CDH18: variants seen among roughly 807,000 people sequenced by gnomAD.
CDH18 encodes cadherin-18.
Under a neutral mutation model 67.9 loss-of-function variants are expected in CDH18, and 31 were observed. The observed-to-expected ratio is 0.46, with a 90% confidence interval of 0.34 to 0.62. The LOEUF (loss-of-function observed/expected upper bound fraction) is 0.62, where lower values mean the gene tolerates loss of function less well. Ranked by LOEUF, CDH18 falls within the 20% of genes least tolerant of loss-of-function variation. The probability of loss-of-function intolerance (pLI) is 0.01; values close to 1 mark genes in which losing one functional copy is unlikely to be tolerated. For synonymous variants in CDH18, 362 were observed against 347.2 expected (o/e 1.04, Z -0.48); for missense variants, 890 against 975.5 (o/e 0.91, Z 1.17).
chr5:20,144,047 C>A (rs747792620), intron 2 of CDH18, among the ~76,000 whole-genome samples: 1 of 152,106 alleles, frequency 6.6e-6, no homozygotes, highest in East Asian at 1.9e-4. Context: ...ACAGCAGAAA[C>A]GCTGCCTGCC....
At chr5:20,245,742 A>G in intron 2 of CDH18, among the ~76,000 whole-genome samples, 1 of 152,070 alleles carries the variant, frequency 6.6e-6, no homozygotes, top group East Asian at 1.9e-4. Context: ...TGCACAATAA[A>G]AACCTGTAGA....
At chr5:20,224,277 T>C (rs1741439964) in intron 2 of CDH18, among the ~76,000 whole-genome samples, 1 of 152,242 alleles carries the variant, frequency 6.6e-6, no homozygotes, top group African/African-American at 2.4e-5. Context: ...AACAGGCTCA[T>C]ATTTTTCATG....
chr5:20,113,196 A>G (rs367680946), intron 2 of CDH18, among the ~76,000 whole-genome samples: 17 of 152,204 alleles, frequency 1.1e-4, no homozygotes, highest in African/African-American at 4.1e-4. Context: ...GATTCACCAT[A>G]CTGAATCATT....
chr5:20,295,836 C>A (rs558360461), intron 1 of CDH18, among the ~76,000 whole-genome samples: 1 of 79,824 alleles, frequency 1.3e-5, no homozygotes, highest in East Asian at 4.7e-4. Context: ...AAAGATCAAT[C>A]TGCAGACATT....
chr5:19,921,619 A>G (rs1792489788), intron 2 of CDH18, among the ~76,000 whole-genome samples: 1 of 152,158 alleles, frequency 6.6e-6, no homozygotes, highest in Non-Finnish European at 1.5e-5. Flanking sequence ...ATTAAAAACT[A>G]TAAATCCTGT....
At chr5:19,912,189 A>AG (rs2150141130) in intron 2 of CDH18, among the ~76,000 whole-genome samples, 1 of 152,192 alleles carries the variant, frequency 6.6e-6, no homozygotes, top group South Asian at 2.1e-4. Flanking sequence ...ATAATAAAAA[A>AG]AAAACACTTA....
intron 1 of CDH18, among the ~76,000 whole-genome samples, chr5:20,398,218 A>T (rs1338019973): frequency 6.6e-6 from 1 of 152,220 alleles, no homozygotes; most frequent in African/African-American, 2.4e-5. Context: ...TATGTTTTCT[A>T]AAATGTTACT....
At chr5:19,937,773 C>CA (rs1394836827) in intron 2 of CDH18, among the ~76,000 whole-genome samples, 3 of 149,800 alleles carry the variant, frequency 2.0e-5, no homozygotes, top group Admixed American at 6.7e-5. Context: ...CCTTGAAGAA[C>CA]AAAAAAATTT....
chr5:19,563,829 A>G (rs911732868), intron 8 of CDH18, among the ~76,000 whole-genome samples: 11 of 152,162 alleles, frequency 7.2e-5, no homozygotes, highest in Non-Finnish European at 1.5e-4. Flanking sequence ...AGAGCACAGG[A>G]AAGACAGCCT....
At chr5:20,028,130 G>A (rs1033539442) in intron 2 of CDH18, among the ~76,000 whole-genome samples, 13 of 149,792 alleles carry the variant, frequency 8.7e-5, no homozygotes, top group East Asian at 3.9e-4. Flanking sequence ...ACATAATTGC[G>A]GTGTTTGTCA....
intron 2 of CDH18, among the ~76,000 whole-genome samples, chr5:20,116,445 G>C (rs1245302903): frequency 2.0e-5 from 3 of 151,936 alleles, no homozygotes; most frequent in Non-Finnish European, 2.9e-5. Flanking sequence ...GAACCCAAGA[G>C]GTGGAGGTTA....
At chr5:19,646,474 G>A (rs1283263074) in intron 5 of CDH18, among the ~76,000 whole-genome samples, 1 of 151,920 alleles carries the variant, frequency 6.6e-6, no homozygotes, top group Admixed American at 6.6e-5. Context: ...TGAGTAGCTG[G>A]GACTACAGGC....
intron 9 of CDH18, among the ~76,000 whole-genome samples, chr5:19,538,320 A>G (rs1749727178): frequency 6.6e-6 from 1 of 152,134 alleles, no homozygotes; most frequent in South Asian, 2.1e-4. Flanking sequence ...CAACAACAGA[A>G]AACTAATTCG....
At chr5:19,764,124 G>C (rs1452993700) in intron 3 of CDH18, among the ~76,000 whole-genome samples, 1 of 149,180 alleles carries the variant, frequency 6.7e-6, no homozygotes, top group Non-Finnish European at 1.5e-5. Flanking sequence ...AGCCAAGATC[G>C]TGCCACTGTA....
At chr5:19,653,050 AT>A (rs1045647704) in intron 5 of CDH18, among the ~76,000 whole-genome samples, 64 of 147,930 alleles carry the variant, frequency 4.3e-4, no homozygotes, top group African/African-American at 4.5e-4. Flanking sequence ...GGGAAAACAC[AT>A]TTTTTTTTTC....
In CDH18 at chr5:20,041,784, A is replaced by G. The variant is rs1048997321; in HGVS notation, c.-517-49770T>C. Reference sequence around the variant, plus strand: ...GTCATATTCTTTCTGATGAGTCAGCAGTTGCAATGCCAGTACATTAAACAG... The same window carrying G: ...GTCATATTCTTTCTGATGAGTCAGCGGTTGCAATGCCAGTACATTAAACAG... On this transcript the variant is annotated intron_variant, in intron 2 of 14. Transcript: ENST00000507958. Among the ~76,000 whole-genome samples, 9 of 152,228 alleles carry G rather than the reference A, an allele frequency of 5.9e-5. No individual in the cohort carries two copies. In the South Asian group the frequency reaches 8.3e-4, roughly 14 times the overall value.
At chr5:19,803,283 G>C (rs1405240496) in intron 3 of CDH18, among the ~76,000 whole-genome samples, 1 of 152,220 alleles carries the variant, frequency 6.6e-6, no homozygotes, top group Non-Finnish European at 1.5e-5. Context: ...ACACGCATAT[G>C]AGTTTATGTG....
intron 1 of CDH18, among the ~76,000 whole-genome samples, chr5:19,987,573 G>A (rs935647631): frequency 2.6e-5 from 4 of 151,904 alleles, no homozygotes; most frequent in African/African-American, 9.7e-5. Flanking sequence ...AATGAGGCTT[G>A]TCCTGCTGCA....
At chr5:20,315,018 A>G (rs540530261) in intron 1 of CDH18, among the ~76,000 whole-genome samples, 1 of 152,242 alleles carries the variant, frequency 6.6e-6, no homozygotes, top group Non-Finnish European at 1.5e-5. Context: ...TTGACAGTAG[A>G]TCAAGAATAG....
Sources: gnomAD v4.1 joint callset for allele counts (sites outside exome capture counted in the v4.1 genomes callset) on GRCh38, gnomAD v4.1.1 for gene constraint, MANE v1.5 for transcripts, NCBI Gene and HGNC (gene_info 2026-07-23, HGNC 2026-07-21) for gene names.